Variants in POLE2 observed in about 807,000 individuals in gnomAD.
The protein encoded by POLE2 is DNA polymerase epsilon subunit 2.
In POLE2, 56 loss-of-function variants were observed where a neutral mutation model predicts 79.4. The ratio of observed to expected loss-of-function variants is 0.71; its 90% CI spans 0.57 to 0.88. The LOEUF (loss-of-function observed/expected upper bound fraction) is 0.88. Among genes scored for constraint, POLE2 ranks in the 40% least tolerant of loss-of-function variants. The pLI is 0.00. For missense variants in POLE2, 598 were observed against 638.9 expected (o/e 0.94, Z 0.69); for synonymous variants, 212 against 214.0 (o/e 0.99, Z 0.08).
chr14:49,650,319 T>C lies in POLE2; in HGVS notation c.1443A>G (p.Ala481=), dbSNP rs747370669. The change falls in exon 17 of 19, where the codon GCA becomes GCG. Residue 481 remains alanine, a synonymous_variant. Transcript: ENST00000216367. ...TCGTAGTGAAAGGATCATATTTGTC[T>C]GCAATGACAAGTAGATCGGGCACAG... ...VYPVPDLLVI[A]DKYDPFTTTN... The C allele has an allele frequency of 6.2e-7, 1 of 1,611,002 alleles. No homozygotes were observed. The highest frequency in any genetic ancestry group is 8.5e-7 in the Non-Finnish European group (1 of 1,178,286).
intron 4 of POLE2, 32 bp from the exon 5 acceptor site, chr14:49,674,248 C>A (rs183122075): frequency 6.6e-7 from 1 of 1,512,986 alleles, no homozygotes; most frequent in Non-Finnish European, 9.2e-7. Flanking sequence ...TTTTGACTAT[C>A]ATAATACACA....
intron 18 of POLE2, among the ~76,000 whole-genome samples, chr14:49,643,877 T>C (rs958899054): frequency 2.1e-3 from 1 of 482 alleles, no homozygotes; most frequent in Non-Finnish European, 6.5e-3. Flanking sequence ...ATGTATGTCT[T>C]TTTTTTTTTT....
At chr14:49,661,283 A>G (rs1322578402) in intron 10 of POLE2, among the ~76,000 whole-genome samples, 2 of 152,234 alleles carry the variant, frequency 1.3e-5, no homozygotes, top group African/African-American at 4.8e-5. Context: ...ATGTACAGAA[A>G]GCCCACAGGG....
intron 11 of POLE2, 37 bp downstream of exon 11, chr14:49,655,634 A>G (rs45510695): frequency 0.01 from 14,784 of 1,454,182 alleles, 108 homozygotes; most frequent in Non-Finnish European, 0.012. Context: ...TGAACCCTTA[A>G]AAGAGTTCAA....
At chr14:49,660,390 AAC>A (rs781406195) in intron 10 of POLE2, among the ~76,000 whole-genome samples, 6 of 152,188 alleles carry the variant, frequency 3.9e-5, no homozygotes, top group South Asian at 2.1e-4. Flanking sequence ...AAGTAATGTT[AAC>A]AGTTTTTTTC....
chr14:49,665,552 G>C (rs2139651440), intron 7 of POLE2, among the ~76,000 whole-genome samples: 1 of 152,230 alleles, frequency 6.6e-6, no homozygotes, highest in East Asian at 1.9e-4. Flanking sequence ...GTCACTACAG[G>C]CCTAATTTCA....
At chr14:49,676,932 C>G (rs765591555) in intron 3 of POLE2, among the ~76,000 whole-genome samples, 4 of 152,356 alleles carry the variant, frequency 2.6e-5, no homozygotes, top group East Asian at 1.9e-4. Context: ...TCATCCTGGA[C>G]GAGCCCTTTG....
chr14:49,647,252 TAGAG>T (rs757983071), intron 18 of POLE2, 37 bp downstream of exon 18: 1 of 1,056,082 alleles, frequency 9.5e-7, no homozygotes, highest in African/African-American at 1.6e-5. Flanking sequence ...ATTTAACACC[TAGAG>T]AAAGATCTTT....
intron 10 of POLE2, among the ~76,000 whole-genome samples, chr14:49,662,418 C>G (rs1483637167): frequency 1.3e-5 from 2 of 152,226 alleles, no homozygotes; most frequent in African/African-American, 4.8e-5. Flanking sequence ...AATCTTTATG[C>G]TTCCTTTTGA....
Position 49,688,178 on chromosome 14 carries a change from C to T in POLE2, c.26G>A (p.Arg9Gln). 6.5e-7 allele frequency: 1 copy of T among 1,544,464 alleles called. No homozygotes were observed. The stretch of plus-strand genomic sequence containing the variant: ...CCGCAACTTGAAGGCGGAGAGCGCC[C>T]GGCTCCGCAGCCGCTCCGGCGCCAT... MAPERLRS[R>Q]ALSAFKLRGL... is the part of the protein sequence containing the mutation. The change falls in exon 1 of 19, where the codon CGG (arginine) becomes CAG (glutamine). Residue 9 changes from arginine to glutamine, a missense_variant. Physicochemically the swap from Arg to Gln is conservative, Grantham distance 43. Coordinates refer to ENST00000216367, the MANE Select transcript of POLE2 (RefSeq NM_002692.4).
chr14:49,646,171 A>G (rs34561679), intron 18 of POLE2, among the ~76,000 whole-genome samples: 34,636 of 151,920 alleles, frequency 0.23, 4,241 homozygotes, highest in Admixed American at 0.3. Flanking sequence ...TATTCATTTT[A>G]TATTCACTTT....
intron 18 of POLE2, among the ~76,000 whole-genome samples, chr14:49,646,049 G>A (rs944954995): frequency 6.6e-5 from 10 of 152,092 alleles, no homozygotes; most frequent in African/African-American, 2.4e-4. Flanking sequence ...TTAGTCCTGG[G>A]GTCACAAAAT....
intron 5 of POLE2, among the ~76,000 whole-genome samples, chr14:49,673,581 G>T (rs1028523642): frequency 6.6e-6 from 1 of 151,952 alleles, no homozygotes; most frequent in African/African-American, 2.4e-5. Flanking sequence ...TGAATACATT[G>T]TTTGTATCTC....
intron 1 of POLE2, among the ~76,000 whole-genome samples, chr14:49,687,155 G>GT (rs913482129): frequency 4.6e-5 from 7 of 151,776 alleles, no homozygotes; most frequent in African/African-American, 7.3e-5. Context: ...GCCAGGTATG[G>GT]TGGCCCATGC....
At position 49,676,005 on chromosome 14, in the gene POLE2, G is replaced by C. The variant is rs376769559; in HGVS notation, c.246-1578C>G. 4.1e-4 allele frequency among the ~76,000 whole-genome samples: 63 copies of C among 152,242 alleles called. No homozygotes were observed. In the South Asian group the frequency reaches 0.012, roughly 29 times the overall value. ...CTGACCTCATGAGCTGCCTGCCTTG[G>C]CCTCCCAAAGTGCTGGGATTACAGG... On this transcript the variant is annotated intron_variant, in intron 3 of 18. Transcript: ENST00000216367.
At chr14:49,659,352 T>A (rs1244908300) in intron 10 of POLE2, among the ~76,000 whole-genome samples, 2 of 152,000 alleles carry the variant, frequency 1.3e-5, no homozygotes, top group Non-Finnish European at 2.9e-5. Flanking sequence ...TGCAGTGAGC[T>A]ATAATCATAT....
At chr14:49,679,835 C>CAAA in intron 2 of POLE2, 35 bp from the exon 3 acceptor site, 1 of 934,814 alleles carries the variant, frequency 1.1e-6, no homozygotes, top group Non-Finnish European at 1.6e-6. Flanking sequence ...AATTTAAAAA[C>CAAA]AAAAAAAAAA....
chr14:49,645,475 C>G (rs551747531), intron 18 of POLE2, among the ~76,000 whole-genome samples: 2 of 152,328 alleles, frequency 1.3e-5, no homozygotes, highest in South Asian at 4.1e-4. Context: ...CATAAACTTA[C>G]ATCAGTTTGT....
intron 5 of POLE2, among the ~76,000 whole-genome samples, chr14:49,670,882 A>G (rs1196939916): frequency 6.6e-6 from 1 of 152,204 alleles, no homozygotes; most frequent in African/African-American, 2.4e-5. Context: ...CTAAGCCAAT[A>G]TATTCCTTTT....
Sources: allele counts gnomAD v4.1 joint callset (sites outside exome capture counted in the v4.1 genomes callset), GRCh38; gene constraint gnomAD v4.1.1; transcripts MANE v1.5; gene names NCBI Gene and HGNC (gene_info 2026-07-23, HGNC 2026-07-21).